PPM1B: variants seen among roughly 807,000 people sequenced by gnomAD.
The protein encoded by PPM1B is protein phosphatase, Mg2+/Mn2+ dependent 1B.
A neutral mutation model predicts 43.0 loss-of-function variants in PPM1B; 22 were observed. The ratio of observed to expected loss-of-function variants is 0.51; its 90% CI spans 0.37 to 0.73. The LOEUF (loss-of-function observed/expected upper bound fraction) is 0.73, where lower values mean the gene tolerates loss of function less well. Among genes scored for constraint, PPM1B ranks in the 30% least tolerant of loss-of-function variants. The pLI, the probability that PPM1B is intolerant of heterozygous loss-of-function variation, is 0.00. For synonymous variants in PPM1B, 217 were observed against 197.9 expected, an observed-to-expected ratio of 1.10 and a Z score of -0.81; for missense variants, 632 against 584.2, an observed-to-expected ratio of 1.08 and a Z score of -0.84.
intron 1 of PPM1B, among the ~76,000 whole-genome samples, chr2:44,178,728 C>G (rs140972906): frequency 0.013 from 2,013 of 151,966 alleles, 42 homozygotes; most frequent in African/African-American, 0.046. Flanking sequence ...CCATGGCCTC[C>G]CAAAGTGCTG....
At chr2:44,180,862 A>C (rs1407210161) in intron 1 of PPM1B, among the ~76,000 whole-genome samples, 1 of 152,094 alleles carries the variant, frequency 6.6e-6, no homozygotes, top group African/African-American at 2.4e-5. Context: ...GGAGCTAAGA[A>C]GAGCAAAAAT....
downstream of PPM1B, chr2:44,244,449 C>G (rs1393740450): frequency 1.9e-6 from 2 of 1,041,492 alleles, no homozygotes; most frequent in Non-Finnish European, 2.4e-6. Context: ...AGGACTGTCA[C>G]TGTGCCCTTC....
downstream of PPM1B, among the ~76,000 whole-genome samples, chr2:44,238,647 AG>A (rs1203543328): frequency 6.6e-6 from 1 of 152,062 alleles, no homozygotes; most frequent in East Asian, 1.9e-4. Context: ...GGTTGCAGTG[AG>A]CCAAAATCGT....
At chr2:44,176,523 C>T (rs978856281) in intron 1 of PPM1B, among the ~76,000 whole-genome samples, 3 of 152,150 alleles carry the variant, frequency 2.0e-5, no homozygotes, top group Admixed American at 6.5e-5. Context: ...TATTACTTAA[C>T]GTCGTGCCTT....
chr2:44,218,153 A>G, intron 4 of PPM1B, 75 bp downstream of exon 4: 1 of 1,073,938 alleles, frequency 9.3e-7, no homozygotes, highest in Non-Finnish European at 1.4e-6. Flanking sequence ...AAAAACTTAA[A>G]TCAGAAGTAC....
chr2:44,173,548 C>A (rs182005701), intron 1 of PPM1B, among the ~76,000 whole-genome samples: 9 of 152,336 alleles, frequency 5.9e-5, no homozygotes, highest in Middle Eastern at 3.4e-3. Flanking sequence ...AACCATGACA[C>A]AGAAGAGTGC....
chr2:44,200,523 A>G (rs1317767036), intron 1 of PPM1B, among the ~76,000 whole-genome samples: 1 of 152,198 alleles, frequency 6.6e-6, no homozygotes, highest in Non-Finnish European at 1.5e-5. Context: ...TGTTAAAGGT[A>G]TGTTTTTAAC....
chr2:44,229,133 G>A lies in PPM1B; in HGVS notation c.1135-1280G>A, dbSNP rs1307138901. 2.0e-5 allele frequency among the ~76,000 whole-genome samples: 3 copies of A among 149,140 alleles called. No individual in the cohort carries two copies. In the East Asian group the frequency reaches 5.9e-4, roughly 29 times the overall value. On this transcript the variant is annotated intron_variant, in intron 5 of 5. Coordinates refer to ENST00000282412, the MANE Select transcript of PPM1B (RefSeq NM_002706.6). Reference sequence around the variant, plus strand: ...CGAGGTGGAGGTTGTGGTGAGCCGAGAACATGCCATTGCCCTCCAGCCTGG... The same window carrying A: ...CGAGGTGGAGGTTGTGGTGAGCCGAAAACATGCCATTGCCCTCCAGCCTGG...
intron 1 of PPM1B, among the ~76,000 whole-genome samples, chr2:44,177,795 T>C (rs1355733439): frequency 6.6e-6 from 1 of 152,134 alleles, no homozygotes; most frequent in Non-Finnish European, 1.5e-5. Context: ...GAATTTTTTT[T>C]TTTTTTACAA....
chr2:44,245,844 G>A (rs907173625), downstream of PPM1B, among the ~76,000 whole-genome samples: 1 of 152,202 alleles, frequency 6.6e-6, no homozygotes, highest in African/African-American at 2.4e-5. Flanking sequence ...TCTGCCTATG[G>A]AAATGAAACC....
rs1308907282 is a variant in PPM1B at position 44,241,855 on chromosome 2, A to ATTTTTT, written n.1547-2372_1547-2371insTTTTTT. On this transcript the variant is annotated intron_variant and non_coding_transcript_variant, in intron 5 of 5. Transcript: ENST00000378540. ...CTGTTATAATAAGTATTAGAAAATA[A>ATTTTTT]TCTTTTTTTTTTTTTTTTTTTGAGA... 1.0e-3 allele frequency among the ~76,000 whole-genome samples: 33 copies of ATTTTTT among 32,810 alleles called. 1 individual carries two copies. The highest frequency in any genetic ancestry group is 2.8e-3 in the South Asian group (2 of 722). The allele number at this position is 32,810 out of a possible 152,430, so 21.5% of individuals were successfully genotyped here.
At chr2:44,223,888 T>C (rs912092164) in intron 5 of PPM1B, among the ~76,000 whole-genome samples, 3 of 149,558 alleles carry the variant, frequency 2.0e-5, no homozygotes, top group Non-Finnish European at 4.4e-5. Flanking sequence ...ACTATGTTTT[T>C]AAGGTATGAT....
intron 1 of PPM1B, among the ~76,000 whole-genome samples, chr2:44,176,685 C>G (rs1033649208): frequency 1.2e-4 from 18 of 152,202 alleles, no homozygotes; most frequent in African/African-American, 4.3e-4. Flanking sequence ...CAAACTTAAG[C>G]ATAAAAGATC....
rs1272918728 is a variant in PPM1B, at chr2:44,214,633, T to C, written c.965-3334T>C. ...GGAAAATTATTACTAAGAGGAAGCA[T>C]CAACATAAGGGGTTTCTGGCTAAAC... is the stretch of plus-strand genomic sequence containing the variant. On this transcript the variant is annotated intron_variant, in intron 3 of 5. Coordinates refer to ENST00000282412, the MANE Select transcript of PPM1B (RefSeq NM_002706.6). Among the ~76,000 whole-genome samples, 3 of 152,114 alleles carry C rather than the reference T, an allele frequency of 2.0e-5. No homozygotes were observed. The South Asian group carries it at 6.2e-4, about 32-fold the overall frequency.
At chr2:44,213,280 C>T (rs1156467338) in intron 3 of PPM1B, among the ~76,000 whole-genome samples, 4 of 150,850 alleles carry the variant, frequency 2.7e-5, no homozygotes, top group Non-Finnish European at 5.9e-5. Flanking sequence ...TCATACCAAG[C>T]TCTTCCACTC....
At chr2:44,230,363 T>A in intron 5 of PPM1B, 50 bp from the exon 6 acceptor site, 1 of 1,589,860 alleles carries the variant, frequency 6.3e-7, no homozygotes. Context: ...GAAATACATG[T>A]GATATCCTAG....
chr2:44,192,048 T>A (rs1430301087), intron 1 of PPM1B, among the ~76,000 whole-genome samples: 1 of 151,976 alleles, frequency 6.6e-6, no homozygotes, highest in Non-Finnish European at 1.5e-5. Flanking sequence ...CTACTTTGAG[T>A]CTGTTTGGTT....
At position 44,201,967 on chromosome 2, in the gene PPM1B, A is replaced by G; in HGVS notation, c.768A>G (p.Glu256=). The G allele has an allele frequency of 6.2e-7, 1 of 1,614,040 alleles. No individual in the cohort carries two copies. Among genetic ancestry groups the G allele is most frequent in the African/African-American group, 1.3e-5 (1 of 75,044 alleles). The change falls in exon 2 of 6, where the codon GAA becomes GAG. Residue 256 remains glutamate (E), a synonymous_variant. Transcript: ENST00000282412. This position sits in a 1 kb window ranked among gnomAD's most constrained non-coding sequence, Gnocchi z 5.4. ...TTATGAGTAATGAGGAGCTCTGTGAATATGTTAAATCTAGGCTTGAGGTAT... is the reference window on the plus strand; with the variant it reads ...TTATGAGTAATGAGGAGCTCTGTGAGTATGTTAAATCTAGGCTTGAGGTAT... ...WDVMSNEELC[E]YVKSRLEVSD...
intron 3 of PPM1B, among the ~76,000 whole-genome samples, chr2:44,212,219 G>A (rs1290061566): frequency 1.3e-5 from 2 of 152,112 alleles, no homozygotes; most frequent in East Asian, 1.9e-4. Context: ...TTTTTGTCCT[G>A]CCTGCAGCTA....
Sources: gnomAD v4.1 joint callset for allele counts (sites outside exome capture counted in the v4.1 genomes callset) on GRCh38, gnomAD v4.1.1 for gene constraint, Gnocchi (gnomAD v3.1) non-coding constraint, MANE v1.5 for transcripts, NCBI Gene and HGNC (gene_info 2026-07-23, HGNC 2026-07-21) for gene names.